The following SLC12A8 variants were observed in gnomAD, a reference collection of about 807,000 sequenced individuals.
SLC12A8 encodes the protein solute carrier family 12 member 8.
SLC12A8 carries 69 observed loss-of-function variants against 75.6 expected under a neutral mutation model. The observed-to-expected ratio is 0.91, with a 90% CI of 0.75 to 1.11. The LOEUF (loss-of-function observed/expected upper bound fraction) is 1.11, where lower values mean the gene tolerates loss of function less well. SLC12A8 is among the 50% of genes most tolerant of loss of function. SLC12A8 has a pLI of 0.00. For missense variants in SLC12A8, 877 were observed against 896.7 expected (o/e 0.98, Z 0.28); for synonymous variants, 365 against 372.8 (o/e 0.98, Z 0.24).
chr3:125,099,741 C>G (rs560550320), intron 10 of SLC12A8, among the ~76,000 whole-genome samples: 4 of 152,084 alleles, frequency 2.6e-5, no homozygotes, highest in African/African-American at 9.7e-5. Flanking sequence ...CCAGCCTGGC[C>G]AACATGGTGA....
chr3:125,141,605 T>C lies in SLC12A8; in HGVS notation c.623-5823A>G, dbSNP rs187886609. On this transcript the variant is annotated intron_variant, in intron 5 of 13. Coordinates refer to ENST00000469902, the MANE Select transcript of SLC12A8 (RefSeq NM_024628.6). ...GGAGTCGGGAAGTCATACCCCTCCCTGTGGGCGTCGGGTTGCACTGTTGAC... is the reference window on the plus strand; with the variant it reads ...GGAGTCGGGAAGTCATACCCCTCCCCGTGGGCGTCGGGTTGCACTGTTGAC... 6.2e-3 allele frequency among the ~76,000 whole-genome samples: 939 copies of C among 152,266 alleles called. 7 individuals are homozygous for C. Among genetic ancestry groups the C allele is most frequent in the African/African-American group, 0.022 (896 of 41,546 alleles).
intron 10 of SLC12A8, among the ~76,000 whole-genome samples, chr3:125,105,293 G>T (rs561415197): frequency 6.6e-5 from 10 of 152,290 alleles, no homozygotes; most frequent in African/African-American, 2.4e-4. Context: ...GAAATCTCTT[G>T]TTTCCTGGAT....
chr3:125,146,843 G>A (rs1023224425), intron 5 of SLC12A8, among the ~76,000 whole-genome samples: 2 of 152,242 alleles, frequency 1.3e-5, no homozygotes, highest in Non-Finnish European at 2.9e-5. Context: ...GTCTCTGTTT[G>A]TTGCCACAGG....
intron 5 of SLC12A8, among the ~76,000 whole-genome samples, chr3:125,151,731 C>T (rs1933930165): frequency 6.6e-6 from 1 of 152,230 alleles, no homozygotes; most frequent in East Asian, 1.9e-4. Flanking sequence ...TTTGCCAAGG[C>T]AATCGTATTT....
intron 5 of SLC12A8, among the ~76,000 whole-genome samples, chr3:125,144,425 G>A (rs535166368): frequency 3.9e-5 from 6 of 152,300 alleles, no homozygotes; most frequent in Admixed American, 3.9e-4. Context: ...GCTCCAGCTG[G>A]GACCCTGCAG....
At chr3:125,116,840 C>T (rs1185105936) in intron 8 of SLC12A8, among the ~76,000 whole-genome samples, 2 of 152,240 alleles carry the variant, frequency 1.3e-5, no homozygotes, top group Non-Finnish European at 2.9e-5. Context: ...ACCAGCCTCA[C>T]CCAGTCTGCT....
chr3:125,211,495 G>C (rs1314931950), intron 1 of SLC12A8, 101 bp from the exon 2 acceptor site: 2 of 733,282 alleles, frequency 2.7e-6, no homozygotes, highest in South Asian at 1.5e-5. Context: ...TACCAGGCGA[G>C]GCCCTGGCTG....
intron 10 of SLC12A8, among the ~76,000 whole-genome samples, chr3:125,092,937 C>T (rs918390542): frequency 6.6e-5 from 10 of 152,060 alleles, no homozygotes; most frequent in Non-Finnish European, 1.2e-4. Context: ...TAAGCCTCAC[C>T]CAAATAGTGT....
chr3:125,204,496 C>T (rs1012338114), intron 2 of SLC12A8, among the ~76,000 whole-genome samples: 2 of 152,134 alleles, frequency 1.3e-5, no homozygotes, highest in Admixed American at 6.5e-5. Context: ...ACAGATATCA[C>T]ATGTTCTTAT....
chr3:125,152,898 A>G (rs678197), intron 5 of SLC12A8, among the ~76,000 whole-genome samples: 91,404 of 151,904 alleles, frequency 0.6, 27,949 homozygotes, highest in Admixed American at 0.68. Flanking sequence ...GCTGTATCCC[A>G]AAGCCTACCT....
intron 5 of SLC12A8, among the ~76,000 whole-genome samples, chr3:125,150,351 T>C (rs908173143): frequency 1.3e-5 from 2 of 152,188 alleles, no homozygotes; most frequent in African/African-American, 2.4e-5. Context: ...AAGGGGTCCA[T>C]TGTGTACATG....
chr3:125,083,857 C>T lies in SLC12A8; in HGVS notation c.*33G>A. On this transcript the variant is annotated 3_prime_UTR_variant, in exon 14 of 14. Coordinates refer to ENST00000469902, the MANE Select transcript of SLC12A8 (RefSeq NM_024628.6). ...GAGCTTGGGTCCACTGTACATGGGACAGCTCCAAAAGAGGAAGGTCCCAGC... is the reference window on the plus strand; with the variant it reads ...GAGCTTGGGTCCACTGTACATGGGATAGCTCCAAAAGAGGAAGGTCCCAGC... The T allele has an allele frequency of 6.3e-7, 1 of 1,596,076 alleles. No homozygotes were observed.
intron 5 of SLC12A8, among the ~76,000 whole-genome samples, chr3:125,170,567 G>A (rs1322117114): frequency 6.6e-6 from 1 of 152,230 alleles, no homozygotes; most frequent in Non-Finnish European, 1.5e-5. Context: ...AAAGAGCTGT[G>A]CTGTGTGTGT....
chr3:125,166,696 C>A (rs148512540), intron 5 of SLC12A8, among the ~76,000 whole-genome samples: 1 of 152,206 alleles, frequency 6.6e-6, no homozygotes, highest in East Asian at 1.9e-4. Flanking sequence ...CTCCCTTGCA[C>A]GAAGAACAGT....
chr3:125,141,490 T>C (rs1933635414), intron 5 of SLC12A8, among the ~76,000 whole-genome samples: 1 of 152,124 alleles, frequency 6.6e-6, no homozygotes, highest in Non-Finnish European at 1.5e-5. Flanking sequence ...TTGCCCTGGG[T>C]AGGCGGCTGC....
chr3:125,128,691 T>A (rs573122260), intron 6 of SLC12A8, among the ~76,000 whole-genome samples: 55 of 152,300 alleles, frequency 3.6e-4, no homozygotes, highest in African/African-American at 1.3e-3. Flanking sequence ...TCCATCAGAA[T>A]GAAGGGAGTG....
chr3:125,115,764 C>T (rs184104376), intron 8 of SLC12A8, among the ~76,000 whole-genome samples: 2 of 151,746 alleles, frequency 1.3e-5, no homozygotes, highest in African/African-American at 2.4e-5. Flanking sequence ...TGTGAACGAG[C>T]GCCAAGGAGA....
chr3:125,128,242 G>A lies in SLC12A8; in HGVS notation c.736+7427C>T, dbSNP rs567036738. Among the ~76,000 whole-genome samples the A allele has an allele frequency of 2.4e-4, 33 of 139,582 alleles. 1 individual carries two copies. Among genetic ancestry groups the A allele is most frequent in the East Asian group, 1.2e-3 (6 of 4,818 alleles). The allele number at this position is 139,582 out of a possible 152,430, so 91.6% of individuals were successfully genotyped here. A position where few individuals can be genotyped will look rare whatever the true frequency, so the allele number is the denominator to read the frequency against. ...GTCGCCCAGGCTGGAGTGCAGTGGCGGGATCTCGGCTCACTGCAAGCTCCG... is the reference window on the plus strand; with the variant it reads ...GTCGCCCAGGCTGGAGTGCAGTGGCAGGATCTCGGCTCACTGCAAGCTCCG... On this transcript the variant is annotated intron_variant, in intron 6 of 13. Coordinates refer to ENST00000469902, the MANE Select transcript of SLC12A8 (RefSeq NM_024628.6).
chr3:125,111,114 T>C (rs116279662), intron 8 of SLC12A8, among the ~76,000 whole-genome samples: 2,794 of 152,272 alleles, frequency 0.018, 37 homozygotes, highest in Non-Finnish European at 0.029. Context: ...ATCCCCAACA[T>C]GATGTTAGGA....
Sources: gnomAD v4.1 joint callset for allele counts (sites outside exome capture counted in the v4.1 genomes callset) on GRCh38, gnomAD v4.1.1 for gene constraint, MANE v1.5 for transcripts, NCBI Gene and HGNC (gene_info 2026-07-23, HGNC 2026-07-21) for gene names.